CACHD1: variants seen among roughly 807,000 people sequenced by gnomAD.
CACHD1 encodes the protein VWFA and cache domain-containing protein 1.
A neutral mutation model predicts 138.7 loss-of-function variants in CACHD1; 71 were observed. That is an observed-to-expected ratio of 0.51 (90% CI 0.42 to 0.62). The LOEUF is 0.62. CACHD1 is among the 20% of genes least tolerant of loss of function. The pLI, the probability that CACHD1 is intolerant of heterozygous loss-of-function variation, is 0.00. For synonymous variants in CACHD1, 578 were observed against 591.5 expected (o/e 0.98, Z 0.33); for missense variants, 1,389 against 1,625.3 (o/e 0.85, Z 2.50).
At chr1:64,667,246 C>G (rs1649665921) in intron 16 of CACHD1, among the ~76,000 whole-genome samples, 2 of 152,118 alleles carry the variant, frequency 1.3e-5, no homozygotes, top group Non-Finnish European at 2.9e-5. Context: ...GTAATGATGC[C>G]TTAACATTTA....
intron 13 of CACHD1, among the ~76,000 whole-genome samples, chr1:64,661,675 G>C (rs941436668): frequency 2.0e-5 from 3 of 152,064 alleles, no homozygotes; most frequent in African/African-American, 7.2e-5. Context: ...GCAGGTCCTT[G>C]CATGGAGGGC....
At chr1:64,471,448 T>C (rs950889024) in intron 1 of CACHD1, among the ~76,000 whole-genome samples, 2 of 152,114 alleles carry the variant, frequency 1.3e-5, no homozygotes, top group Non-Finnish European at 2.9e-5. Flanking sequence ...GGCGCACCAA[T>C]GGGCGCCGGG....
At chr1:64,533,948 T>C (rs1403692834) in intron 1 of CACHD1, among the ~76,000 whole-genome samples, 1 of 151,570 alleles carries the variant, frequency 6.6e-6, no homozygotes, top group East Asian at 1.9e-4. Flanking sequence ...AGAGATGGGG[T>C]TTCACAGTGT....
chr1:64,565,512 C>T (rs1646874827), intron 2 of CACHD1, among the ~76,000 whole-genome samples: 1 of 152,120 alleles, frequency 6.6e-6, no homozygotes, highest in Non-Finnish European at 1.5e-5. Context: ...GGAAATCAAT[C>T]TCTGTCCGTC....
chr1:64,589,087 C>G (rs990989819), intron 3 of CACHD1, among the ~76,000 whole-genome samples: 4 of 152,160 alleles, frequency 2.6e-5, no homozygotes, highest in African/African-American at 9.7e-5. Context: ...TAGATATTCT[C>G]TCAGGGGAAA....
chr1:64,496,258 A>G (rs1646305856), intron 1 of CACHD1, among the ~76,000 whole-genome samples: 1 of 152,186 alleles, frequency 6.6e-6, no homozygotes, highest in Non-Finnish European at 1.5e-5. Flanking sequence ...TCTTACTGAA[A>G]ATATTTTGAT....
chr1:64,522,538 A>G lies in CACHD1; in HGVS notation c.199-28056A>G, dbSNP rs572943910. ...AGCCAGGCTTCAACTCCTGACCTCA[A>G]GTGATCCGCCTGCCCGCTTCAGCCT... is the stretch of plus-strand genomic sequence containing the variant. On this transcript the variant is annotated intron_variant, in intron 1 of 26. Coordinates refer to ENST00000651257, the MANE Select transcript of CACHD1 (RefSeq NM_020925.4). Among the ~76,000 whole-genome samples, 15 of 143,726 alleles carry G rather than the reference A, an allele frequency of 1.0e-4. No individual in the cohort carries two copies. The South Asian group carries it at 1.9e-3, about 18-fold the overall frequency. The allele number at this position is 143,726 out of a possible 152,430, so 94.3% of individuals were successfully genotyped here. A position where few individuals can be genotyped will look rare whatever the true frequency, so the allele number is the denominator to read the frequency against.
At chr1:64,550,467 T>C (rs1420244007) in intron 1 of CACHD1, 127 bp from the exon 2 acceptor site, 8 of 642,738 alleles carry the variant, frequency 1.2e-5, no homozygotes, top group Admixed American at 5.7e-5. Context: ...CTCTGTAAAA[T>C]TACTGCATTT....
chr1:64,602,718 C>A, intron 3 of CACHD1, 88 bp from the exon 4 acceptor site: 1 of 825,866 alleles, frequency 1.2e-6, no homozygotes, highest in Non-Finnish European at 2.1e-6. Flanking sequence ...ACGGGCTGAC[C>A]TATCTTGTAC....
chr1:64,555,741 C>T (rs1402303095), intron 2 of CACHD1, among the ~76,000 whole-genome samples: 4 of 152,162 alleles, frequency 2.6e-5, no homozygotes, highest in Non-Finnish European at 5.9e-5. Flanking sequence ...ATTTTATCCA[C>T]CTGGAATTGA....
At chr1:64,531,391 TC>T (rs1468590054) in intron 1 of CACHD1, among the ~76,000 whole-genome samples, 1 of 152,174 alleles carries the variant, frequency 6.6e-6, no homozygotes, top group Non-Finnish European at 1.5e-5. Context: ...AAGGGAGAAA[TC>T]CCAGCAAACA....
intron 2 of CACHD1, among the ~76,000 whole-genome samples, chr1:64,574,923 G>A (rs796528102): frequency 3.9e-5 from 6 of 152,270 alleles, no homozygotes; most frequent in African/African-American, 1.4e-4. Flanking sequence ...ACAAGACCTT[G>A]TGCCAGATTT....
intron 4 of CACHD1, among the ~76,000 whole-genome samples, chr1:64,607,400 T>C (rs1242853199): frequency 6.6e-6 from 1 of 152,172 alleles, no homozygotes; most frequent in Non-Finnish European, 1.5e-5. Flanking sequence ...GGTGAGCTTG[T>C]CAAGGGTTGT....
chr1:64,649,122 C>T (rs1160893879), intron 9 of CACHD1, among the ~76,000 whole-genome samples: 2 of 152,096 alleles, frequency 1.3e-5, no homozygotes, highest in East Asian at 3.9e-4. Context: ...AGTAACAAGC[C>T]TATAGAGAAG....
At chr1:64,691,246 C>A in intron 26 of CACHD1, 77 bp from the exon 27 acceptor site, 1 of 1,339,858 alleles carries the variant, frequency 7.5e-7, no homozygotes, top group Non-Finnish European at 1.1e-6. Flanking sequence ...CCTCCCAGTG[C>A]CCTAGAAATT....
At chr1:64,659,203 C>G (rs1287339370) in intron 13 of CACHD1, among the ~76,000 whole-genome samples, 1 of 152,120 alleles carries the variant, frequency 6.6e-6, no homozygotes, top group Admixed American at 6.5e-5. Context: ...TCTAGGGGGT[C>G]TCTGGAGTGT....
At chr1:64,624,670 C>T (rs1648036150) in intron 4 of CACHD1, among the ~76,000 whole-genome samples, 1 of 152,172 alleles carries the variant, frequency 6.6e-6, no homozygotes, top group Non-Finnish European at 1.5e-5. Flanking sequence ...TCTCATGGCC[C>T]CTTCTTGCCC....
intron 1 of CACHD1, among the ~76,000 whole-genome samples, chr1:64,516,196 C>T (rs1026000477): frequency 1.3e-5 from 2 of 152,162 alleles, no homozygotes; most frequent in African/African-American, 4.8e-5. Context: ...TCTAAATATA[C>T]CTGTCCGTTT....
chr1:64,576,688 C>T (rs989758953), intron 2 of CACHD1, among the ~76,000 whole-genome samples: 1 of 152,110 alleles, frequency 6.6e-6, no homozygotes. Context: ...CTGGGCATCA[C>T]AGTGTTCTCT....
Sources: gnomAD v4.1 joint callset for allele counts (sites outside exome capture counted in the v4.1 genomes callset) on GRCh38, gnomAD v4.1.1 for gene constraint, MANE v1.5 for transcripts, NCBI Gene and HGNC (gene_info 2026-07-23, HGNC 2026-07-21) for gene names.